Variants in AP4M1 observed in about 807,000 individuals in gnomAD.
AP4M1 encodes adaptor related protein complex 4 subunit mu 1.
Under a neutral mutation model 62.4 loss-of-function variants are expected in AP4M1, and 58 were observed. That is an observed-to-expected ratio of 0.93 (90% confidence interval 0.75 to 1.16). The LOEUF (loss-of-function observed/expected upper bound fraction) is 1.16. Among genes scored for constraint, AP4M1 ranks in the 50% most tolerant of loss-of-function variants. The pLI is 0.00. For synonymous variants in AP4M1, 290 were observed against 239.7 expected (o/e 1.21, Z -1.94); for missense variants, 626 against 585.4 (o/e 1.07, Z -0.72).
upstream of AP4M1, chr7:100,101,372 T>C: frequency 6.3e-7 from 1 of 1,593,334 alleles, no homozygotes; most frequent in South Asian, 1.1e-5. Flanking sequence ...CTCCGCGCGG[T>C]GGACTGTGGC....
chr7:100,101,943 C>G lies in AP4M1; in HGVS notation c.122C>G (p.Pro41Arg). The change falls in exon 2 of 15, where the codon CCA becomes CGA. Residue 41 changes from proline to arginine, a missense_variant. By Grantham distance (103) the Pro-to-Arg change is moderately radical. Coordinates refer to ENST00000359593, the MANE Select transcript of AP4M1 (RefSeq NM_004722.4). ...ELFYRKLTGL[P>R]GDESPVVMHH... is the part of the protein sequence containing the mutation. ...TTCTACCGGAAGCTGACGGGACTGCCAGGAGACGAGTCCCCGGTTGTCATG... is the reference window on the plus strand; with the variant it reads ...TTCTACCGGAAGCTGACGGGACTGCGAGGAGACGAGTCCCCGGTTGTCATG... 1.2e-6 allele frequency: 2 copies of G among 1,613,246 alleles called. No individual in the cohort carries two copies. Among genetic ancestry groups the G allele is most frequent in the Non-Finnish European group, 1.7e-6 (2 of 1,179,978 alleles).
intron 4 of AP4M1, 152 bp downstream of exon 4, chr7:100,103,112 C>T (rs1796195165): frequency 1.4e-6 from 1 of 729,724 alleles, no homozygotes; most frequent in East Asian, 2.7e-5. Flanking sequence ...TGCTCTGTTG[C>T]CCAGGCTGGA....
Position 100,105,513 on chromosome 7 carries a change from T to G in AP4M1, c.903T>G (p.Ser301=). The change falls in exon 11 of 15, where the codon TCT becomes TCG. Residue 301 remains serine (S), a synonymous_variant. Coordinates refer to ENST00000359593, the MANE Select transcript of AP4M1 (RefSeq NM_004722.4). ...CGCTCCCCTTCCGGCTCTTCCCCTC[T>G]GTGCAGTGGGACCGAGGCTCAGGCC... ...PSPLPFRLFP[S]VQWDRGSGRL... 6.2e-7 allele frequency: 1 copy of G among 1,613,876 alleles called. No individual in the cohort carries two copies. Among genetic ancestry groups the G allele is most frequent in the Non-Finnish European group, 8.5e-7 (1 of 1,180,014 alleles).
At position 100,106,505 on chromosome 7, in the gene AP4M1, C is replaced by T. The variant is rs372787797; in HGVS notation, c.1128C>T (p.Gly376=). ...PRVQGGSQLS[G]LFQMDVPGPP... is the part of the protein sequence containing the mutation. ...TGCAAGGAGGCTCTCAACTCTCAGGCCTTTTCCAGGTATTCGCTGTGGACC... is the reference window on the plus strand; with the variant it reads ...TGCAAGGAGGCTCTCAACTCTCAGGTCTTTTCCAGGTATTCGCTGTGGACC... The change falls in exon 14 of 15, where the codon GGC becomes GGT. Residue 376 remains glycine, a synonymous_variant. Coordinates refer to ENST00000359593, the MANE Select transcript of AP4M1 (RefSeq NM_004722.4). The T allele has an allele frequency of 1.3e-4, 212 of 1,613,226 alleles. No homozygotes were observed. Among genetic ancestry groups the T allele is most frequent in the Non-Finnish European group, 1.7e-4 (198 of 1,179,942 alleles).
At chr7:100,103,257 T>G in intron 4 of AP4M1, 152 bp from the exon 5 acceptor site, 2 of 737,850 alleles carry the variant, frequency 2.7e-6, no homozygotes, top group Non-Finnish European at 2.4e-6. Flanking sequence ...TTGCCCAGGC[T>G]GGTCTTGAAC....
At chr7:100,101,270 C>G (rs369472513), upstream of AP4M1, 4 of 1,613,170 alleles carry the variant, frequency 2.5e-6, no homozygotes, top group South Asian at 1.1e-5. Flanking sequence ...GTACCCTTCT[C>G]TAGCGCGTAG....
Position 100,107,322 on chromosome 7 carries a change from C to T in AP4M1, c.*440C>T, listed in dbSNP as rs1796620218. 4 of 1,536,202 alleles carry T rather than the reference C, an allele frequency of 2.6e-6. No homozygotes were observed. Among genetic ancestry groups the T allele is most frequent in the Admixed American group, 2.1e-5 (1 of 48,474 alleles). On this transcript the variant is annotated 3_prime_UTR_variant, in exon 15 of 15. Coordinates refer to ENST00000359593, the MANE Select transcript of AP4M1 (RefSeq NM_004722.4). ...TGGAGTCCCTGGAGCTGGAGGGGGA[C>T]TGTCCCCAGCCTCCTGCTTCCCCCC...
chr7:100,108,420 G>C lies in AP4M1; in HGVS notation c.*1538G>C. On this transcript the variant is annotated 3_prime_UTR_variant, in exon 15 of 15. Transcript: ENST00000359593. ...ACCTGCTGAGCCTGCAGAGCAGCCT[G>C]GGCCCGAGCCTTGACCACCTGGGAG... is the stretch of plus-strand genomic sequence containing the variant. 1 of 1,613,778 alleles carries C rather than the reference G, an allele frequency of 6.2e-7. No homozygotes were observed. The highest frequency in any genetic ancestry group is 8.5e-7 in the Non-Finnish European group (1 of 1,179,780).
Position 100,108,332 on chromosome 7 carries a change from T to G in AP4M1, c.*1450T>G. ...GTCCCACACAGGGGTTCTCCTCTGCTTCCTCCTATTCCTCCTCCCCACCCG... is the reference window on the plus strand; with the variant it reads ...GTCCCACACAGGGGTTCTCCTCTGCGTCCTCCTATTCCTCCTCCCCACCCG... On this transcript the variant is annotated 3_prime_UTR_variant, in exon 15 of 15. Transcript: ENST00000359593. 1 of 1,572,398 alleles carries G rather than the reference T, an allele frequency of 6.4e-7. No individual in the cohort carries two copies. Among genetic ancestry groups the G allele is most frequent in the Non-Finnish European group, 8.6e-7 (1 of 1,157,672 alleles).
Position 100,104,875 on chromosome 7 carries a change from G to A in AP4M1, c.608G>A (p.Gly203Glu), listed in dbSNP as rs1272416522. 3 of 1,614,002 alleles carry A rather than the reference G, an allele frequency of 1.9e-6. No homozygotes were observed. Among genetic ancestry groups the A allele is most frequent in the Admixed American group, 3.3e-5 (2 of 59,996 alleles). Residue 203 changes from glycine to glutamate, a missense_variant and splice_region_variant, in exon 8 of 15, where the codon GGA becomes GAA. By Grantham distance (98) the Gly-to-Glu change is moderately conservative. Coordinates refer to ENST00000359593, the MANE Select transcript of AP4M1 (RefSeq NM_004722.4). Reference protein sequence around the residue: ...ERLSVLIASNGSLLKVDVQGE... With the variant: ...ERLSVLIASNESLLKVDVQGE... ...AACCTTGACGCCCCTGCCTCTCAGG[G>A]ATCCCTGCTGAAGGTGGATGTGCAG...
In AP4M1 at chr7:100,101,726, A is replaced by T. The variant is rs568292146; in HGVS notation, c.12A>T (p.Gln4His). Residue 4 changes from glutamine to histidine, a missense_variant, in exon 1 of 15, where the codon CAA (glutamine) becomes CAT (histidine). Coordinates refer to ENST00000359593, the MANE Select transcript of AP4M1 (RefSeq NM_004722.4). ...TCTCCAGAACGGCCATGATTTCCCA[A>T]TTCTTCATTCTGTCCTCCAAGGGGG... MIS[Q>H]FFILSSKGDP... 8.8e-6 allele frequency: 14 copies of T among 1,584,610 alleles called. No individual in the cohort carries two copies. In the East Asian group the frequency reaches 3.2e-4, roughly 37 times the overall value.
chr7:100,102,874 C>T lies in AP4M1; in HGVS notation c.265C>T (p.Leu89Phe). The T allele has an allele frequency of 6.2e-7, 1 of 1,614,108 alleles. No homozygotes were observed. Among genetic ancestry groups the T allele is most frequent in the African/African-American group, 1.3e-5 (1 of 75,014 alleles). ...LLELLSRLATLLGDYCGSLGE... is the reference protein window; with the variant it reads ...LLELLSRLATFLGDYCGSLGE... ...CAAGTGTTTCCTCAGGTTGGCCACC[C>T]TTCTGGGCGATTACTGTGGCTCCCT... Residue 89 changes from leucine (L) to phenylalanine (F), a missense_variant, in exon 4 of 15, where the codon CTT (leucine) becomes TTT (phenylalanine). Transcript: ENST00000359593.
chr7:100,105,859 A>G (rs1796428879), intron 11 of AP4M1, 100 bp from the exon 12 acceptor site: 1 of 1,385,150 alleles, frequency 7.2e-7, no homozygotes, highest in Non-Finnish European at 1.0e-6. Context: ...TTGGGAGTAC[A>G]GCCCACACCC....
intron 11 of AP4M1, 107 bp from the exon 12 acceptor site, chr7:100,105,852 G>T: frequency 7.4e-7 from 1 of 1,348,418 alleles, no homozygotes; most frequent in Non-Finnish European, 1.1e-6. Flanking sequence ...TTCCCTCTTG[G>T]GAGTACAGCC....
chr7:100,106,168 T>C, intron 12 of AP4M1, 73 bp from the exon 13 acceptor site: 1 of 1,585,604 alleles, frequency 6.3e-7, no homozygotes, highest in South Asian at 1.1e-5. Context: ...GAAATCCTGT[T>C]ATGACATTGA....
Sources: gnomAD v4.1 joint callset for allele counts on GRCh38, gnomAD v4.1.1 for gene constraint, MANE v1.5 for transcripts, NCBI Gene and HGNC (gene_info 2026-07-23, HGNC 2026-07-21) for gene names.